The following MYO3B variants were observed in gnomAD, a reference collection of about 807,000 sequenced individuals.
MYO3B encodes the protein myosin-IIIb.
Under a neutral mutation model 174.6 loss-of-function variants are expected in MYO3B, and 156 were observed. The observed-to-expected ratio is 0.89, with a 90% CI of 0.78 to 1.02. The LOEUF (loss-of-function observed/expected upper bound fraction) is 1.02, where lower values mean the gene tolerates loss of function less well. Ranked by LOEUF, MYO3B falls within the 50% of genes least tolerant of loss-of-function variation. MYO3B has a pLI of 0.00. For missense variants in MYO3B, 1,632 were observed against 1,639.4 expected (o/e 1.00, Z 0.08); for synonymous variants, 563 against 569.1 (o/e 0.99, Z 0.15).
At chr2:170,217,486 T>C in intron 6 of MYO3B, 91 bp downstream of exon 6, 2 of 1,115,248 alleles carry the variant, frequency 1.8e-6, no homozygotes, top group Non-Finnish European at 1.4e-6. Flanking sequence ...TTTGCAGAAT[T>C]TTTAGGGAGA....
chr2:170,614,001 T>A (rs1224082231), intron 32 of MYO3B, among the ~76,000 whole-genome samples: 4 of 152,064 alleles, frequency 2.6e-5, no homozygotes, highest in Admixed American at 2.6e-4. Context: ...GAACCCTGAT[T>A]AATACAAGTC....
At chr2:170,373,416 T>G (rs925999849) in intron 9 of MYO3B, among the ~76,000 whole-genome samples, 4 of 152,002 alleles carry the variant, frequency 2.6e-5, no homozygotes, top group Non-Finnish European at 5.9e-5. Flanking sequence ...CTGTAGCAAC[T>G]CTTTTTGGAT....
chr2:170,239,887 C>G (rs1025027069), intron 7 of MYO3B, among the ~76,000 whole-genome samples: 19 of 152,172 alleles, frequency 1.2e-4, no homozygotes, highest in African/African-American at 4.6e-4. Flanking sequence ...AGGTCAGAAG[C>G]CCCACATCAG....
chr2:170,310,036 A>G (rs2093727078), intron 7 of MYO3B, among the ~76,000 whole-genome samples: 1 of 151,966 alleles, frequency 6.6e-6, no homozygotes, highest in African/African-American at 2.4e-5. Flanking sequence ...TTGTATTTGG[A>G]TTTTTTCACT....
intron 22 of MYO3B, 112 bp from the exon 23 acceptor site, chr2:170,443,855 G>T (rs1186635379): frequency 8.6e-6 from 6 of 696,292 alleles, no homozygotes; most frequent in Non-Finnish European, 1.3e-5. Context: ...AAAATTCAGA[G>T]CAGATTGTTT....
intron 9 of MYO3B, among the ~76,000 whole-genome samples, chr2:170,381,435 A>G (rs2105733768): frequency 6.6e-6 from 1 of 152,346 alleles, no homozygotes; most frequent in South Asian, 2.1e-4. Flanking sequence ...TTAAAAATAG[A>G]CTGGAAGGAA....
intron 7 of MYO3B, among the ~76,000 whole-genome samples, chr2:170,292,907 A>C (rs989469952): frequency 2.6e-5 from 4 of 152,162 alleles, no homozygotes; most frequent in African/African-American, 9.7e-5. Context: ...GGGTAGAGGC[A>C]AGTACAGAAC....
At chr2:170,408,619 C>A (rs1406411071) in intron 22 of MYO3B, 1 of 152,024 alleles carries the variant, frequency 6.6e-6, no homozygotes, top group Non-Finnish European at 1.5e-5. Flanking sequence ...AGTGGGCATG[C>A]TTTTAAGAAA....
At chr2:170,443,709 TTAA>T (rs2094819265) in intron 22 of MYO3B, among the ~76,000 whole-genome samples, 1 of 151,906 alleles carries the variant, frequency 6.6e-6, no homozygotes, top group African/African-American at 2.4e-5. Flanking sequence ...TTCAGTGAAT[TTAA>T]TAATTTTATG....
intron 30 of MYO3B, among the ~76,000 whole-genome samples, chr2:170,525,723 C>G (rs1362919668): frequency 6.6e-6 from 1 of 152,168 alleles, no homozygotes; most frequent in Non-Finnish European, 1.5e-5. Context: ...CCTTGCAGCT[C>G]TGGGGCTTGG....
chr2:170,235,690 G>A (rs2093062007), intron 6 of MYO3B, among the ~76,000 whole-genome samples: 1 of 152,220 alleles, frequency 6.6e-6, no homozygotes. Flanking sequence ...TTAAAGAATA[G>A]CAGGGTTGGG....
At chr2:170,241,107 T>C (rs2093127341) in intron 7 of MYO3B, among the ~76,000 whole-genome samples, 1 of 148,812 alleles carries the variant, frequency 6.7e-6, no homozygotes, top group Admixed American at 6.9e-5. Flanking sequence ...TCTCTTATTT[T>C]TTCTCTTCCC....
chr2:170,438,783 T>C (rs4625868), intron 22 of MYO3B, among the ~76,000 whole-genome samples: 114,467 of 151,782 alleles, frequency 0.75, 43,417 homozygotes, highest in African/African-American at 0.83. Context: ...CACAGGCGCC[T>C]GCCACCATGT....
At chr2:170,427,196 A>C (rs1164483962) in intron 22 of MYO3B, among the ~76,000 whole-genome samples, 10 of 152,204 alleles carry the variant, frequency 6.6e-5, no homozygotes, top group Non-Finnish European at 1.5e-5. Flanking sequence ...ATTAGTGTAG[A>C]GTTGTGATGC....
At chr2:170,619,849 C>A (rs1399735071) in intron 32 of MYO3B, among the ~76,000 whole-genome samples, 2 of 144,262 alleles carry the variant, frequency 1.4e-5, no homozygotes, top group Non-Finnish European at 3.0e-5. Context: ...CAGGTTCAAG[C>A]AATTCTCCTG....
At chr2:170,188,418 A>G (rs1441696399) in intron 1 of MYO3B, among the ~76,000 whole-genome samples, 1 of 152,104 alleles carries the variant, frequency 6.6e-6, no homozygotes, top group Non-Finnish European at 1.5e-5. Flanking sequence ...TAAAAAATCT[A>G]TTTAGCCATT....
chr2:170,296,802 C>A (rs999904790), intron 7 of MYO3B, among the ~76,000 whole-genome samples: 1 of 152,094 alleles, frequency 6.6e-6, no homozygotes, highest in African/African-American at 2.4e-5. Context: ...AAAAAACTTA[C>A]AATCATGGTG....
chr2:170,461,156 T>G (rs547546621), intron 23 of MYO3B, among the ~76,000 whole-genome samples: 42 of 152,178 alleles, frequency 2.8e-4, no homozygotes, highest in African/African-American at 1.0e-3. Context: ...AAGAGGTGCT[T>G]CTTCAGGGAG....
chr2:170,625,229 T>TGC (rs1696308007), intron 32 of MYO3B, among the ~76,000 whole-genome samples: 1 of 152,242 alleles, frequency 6.6e-6, no homozygotes, highest in South Asian at 2.1e-4. Context: ...AGTTAATTAT[T>TGC]GCCTCAATTT....
Sources: allele counts gnomAD v4.1 joint callset (sites outside exome capture counted in the v4.1 genomes callset), GRCh38; gene constraint gnomAD v4.1.1; transcripts MANE v1.5; gene names NCBI Gene and HGNC (gene_info 2026-07-23, HGNC 2026-07-21).